ACSL1: variants seen among roughly 807,000 people sequenced by gnomAD.
ACSL1 encodes the protein acyl-CoA synthetase long chain family member 1.
Under a neutral mutation model 98.4 loss-of-function variants are expected in ACSL1, and 41 were observed. The observed-to-expected ratio is 0.42, with a 90% CI of 0.32 to 0.54. ACSL1 has a LOEUF of 0.54. Ranked by LOEUF, ACSL1 falls within the 20% of genes least tolerant of loss-of-function variation. The pLI is 0.13. For synonymous variants in ACSL1, 316 were observed against 322.7 expected (o/e 0.98, Z 0.22); for missense variants, 734 against 883.1 (o/e 0.83, Z 2.14).
Position 184,776,550 on chromosome 4 carries a change from G to A in ACSL1, c.690C>T (p.Tyr230=), listed in dbSNP as rs1302851970. 2.1e-5 allele frequency: 34 copies of A among 1,614,030 alleles called. No individual in the cohort carries two copies. The highest frequency in any genetic ancestry group is 5.3e-5 in the African/African-American group (4 of 74,920). The change falls in exon 7 of 21, where the codon TAC becomes TAT. Residue 230 remains tyrosine (Y), a synonymous_variant. Transcript: ENST00000281455. ...GGCCTCGTTCCACCAGTTCACTGCC[G>A]TAGGCATCCATGACAACTATGATTT... ...GLKIIVVMDA[Y]GSELVERGQR... is the part of the protein sequence containing the mutation.
rs765322754 is a variant in ACSL1, at chr4:184,763,268, T to C, written c.1433-13A>G. 6.3e-5 allele frequency: 102 copies of C among 1,611,906 alleles called. No individual in the cohort carries two copies. The African/African-American group carries it at 1.0e-3, about 16-fold the overall frequency. ...GCCCCAACATGGCCTGTATATTAAA[T>C]AAGCAAATGGTCATTCCTAAGGGAA... On this transcript the variant is annotated splice_polypyrimidine_tract_variant and intron_variant, in intron 15 of 20. Transcript: ENST00000281455.
chr4:184,809,609 G>T (rs942004374), intron 1 of ACSL1, among the ~76,000 whole-genome samples: 2 of 151,814 alleles, frequency 1.3e-5, no homozygotes, highest in African/African-American at 4.9e-5. Flanking sequence ...TGGCTAACAC[G>T]GTGAAACTCC....
chr4:184,793,878 C>G (rs1235469491), intron 2 of ACSL1, among the ~76,000 whole-genome samples: 1 of 152,170 alleles, frequency 6.6e-6, no homozygotes, highest in African/African-American at 2.4e-5. Context: ...CTTCAGGATA[C>G]CCAAATCCAG....
At position 184,797,593 on chromosome 4, in the gene ACSL1, T is replaced by C. The variant is rs978128334; in HGVS notation, c.195+5727A>G. Among the ~76,000 whole-genome samples the C allele has an allele frequency of 8.5e-5, 13 of 152,334 alleles. 1 individual carries two copies. Among genetic ancestry groups the C allele is most frequent in the Non-Finnish European group, 1.9e-4 (13 of 68,024 alleles). On this transcript the variant is annotated intron_variant, in intron 2 of 20. Coordinates refer to ENST00000281455, the MANE Select transcript of ACSL1 (RefSeq NM_001995.5). ...TTTGAGTTGTAAACCATGCTGTTGA[T>C]TGAGCGTGGCTCCCACAGCCTGGAT...
At chr4:184,788,756 G>T (rs1281471931) in intron 2 of ACSL1, 25 bp from the exon 3 acceptor site, 1 of 1,591,294 alleles carries the variant, frequency 6.3e-7, no homozygotes, top group South Asian at 1.1e-5. Flanking sequence ...AGGGGGGCAG[G>T]TTAGAAGGCA....
intron 2 of ACSL1, among the ~76,000 whole-genome samples, chr4:184,796,489 TA>T (rs1346928856): frequency 6.6e-6 from 1 of 152,214 alleles, no homozygotes; most frequent in East Asian, 1.9e-4. Context: ...GCAAAGTTGC[TA>T]GGGGTAGAAT....
intron 4 of ACSL1, among the ~76,000 whole-genome samples, chr4:184,782,342 A>G (rs1392470812): frequency 1.3e-5 from 2 of 152,144 alleles, no homozygotes; most frequent in Non-Finnish European, 2.9e-5. Flanking sequence ...AAAAAAAAAA[A>G]AGATTTGAAT....
chr4:184,778,873 G>T lies in ACSL1; in HGVS notation c.477+1459C>A, dbSNP rs75727094. Among the ~76,000 whole-genome samples the T allele has an allele frequency of 1.6e-4, 24 of 152,144 alleles. No homozygotes were observed. In the East Asian group the frequency reaches 4.6e-3, roughly 29 times the overall value. ...ACTAAATTCTACAAGCCCAGTCACA[G>T]TCCAGCTGTGGAGAATGCTGTTTTC... On this transcript the variant is annotated intron_variant, in intron 5 of 20. Coordinates refer to ENST00000281455, the MANE Select transcript of ACSL1 (RefSeq NM_001995.5).
Position 184,804,348 on chromosome 4 carries a change from G to A in ACSL1, c.-32-802C>T, listed in dbSNP as rs368641304. On this transcript the variant is annotated intron_variant, in intron 1 of 20. Coordinates refer to ENST00000281455, the MANE Select transcript of ACSL1 (RefSeq NM_001995.5). Reference sequence around the variant, plus strand: ...TAATCCCAGCACTTTGGGAAGCCGAGGCGGGTGGATCACCTGAGGTCAAGA... The same window carrying A: ...TAATCCCAGCACTTTGGGAAGCCGAAGCGGGTGGATCACCTGAGGTCAAGA... Among the ~76,000 whole-genome samples the A allele has an allele frequency of 1.8e-3, 281 of 152,324 alleles. 2 individuals are homozygous for A. The highest frequency in any genetic ancestry group is 6.5e-3 in the African/African-American group (271 of 41,580).
At chr4:184,801,062 C>T (rs1278614884) in intron 2 of ACSL1, among the ~76,000 whole-genome samples, 1 of 152,152 alleles carries the variant, frequency 6.6e-6, no homozygotes, top group Admixed American at 6.5e-5. Context: ...TGCTATGTTG[C>T]CCATGCTGGT....
At position 184,757,986 on chromosome 4, in the gene ACSL1, T is replaced by A; in HGVS notation, c.1783-66A>T. The A allele has an allele frequency of 6.7e-7, 1 of 1,482,642 alleles. No homozygotes were observed. Among genetic ancestry groups the A allele is most frequent in the South Asian group, 1.1e-5 (1 of 88,050 alleles). The allele number at this position is 1,482,642 out of a possible 1,614,324, so 91.8% of individuals were successfully genotyped here. On this transcript the variant is annotated intron_variant, in intron 18 of 20. Transcript: ENST00000281455. The surrounding 1 kb of genome is among the most constrained non-coding windows in gnomAD (Gnocchi z 4.5). The stretch of plus-strand genomic sequence containing the variant: ...AATGCTCTAAAATAGTGGTTCTTTA[T>A]TTTTCCATCTTGTGGCCCCCTGGGA...
intron 2 of ACSL1, chr4:184,798,167 A>C (rs190775466): frequency 5.3e-5 from 8 of 152,358 alleles, no homozygotes; most frequent in Non-Finnish European, 1.0e-4. Flanking sequence ...GCTGGAACCA[A>C]GGTCTGATAA....
At chr4:184,764,967 T>C in intron 14 of ACSL1, 42 bp from the exon 15 acceptor site, 1 of 1,586,866 alleles carries the variant, frequency 6.3e-7, no homozygotes, top group South Asian at 1.1e-5. Flanking sequence ...GAGAGCACAA[T>C]CACACCTTTA....
intron 2 of ACSL1, among the ~76,000 whole-genome samples, chr4:184,789,046 A>G (rs1462618552): frequency 3.3e-5 from 5 of 152,218 alleles, no homozygotes; most frequent in African/African-American, 7.2e-5. Flanking sequence ...AAAATTAAAT[A>G]TAAAGTCTAA....
In ACSL1 at chr4:184,773,002, G is replaced by A; in HGVS notation, c.915+79C>T. 6 of 1,389,262 alleles carry A rather than the reference G, an allele frequency of 4.3e-6. No individual in the cohort carries two copies. The highest frequency in any genetic ancestry group is 6.1e-6 in the Non-Finnish European group (6 of 984,494). The allele number at this position is 1,389,262 out of a possible 1,614,324, so 86.1% of individuals were successfully genotyped here. On this transcript the variant is annotated intron_variant, in intron 10 of 20. Coordinates refer to ENST00000281455, the MANE Select transcript of ACSL1 (RefSeq NM_001995.5). This position sits in a 1 kb window ranked among gnomAD's most constrained non-coding sequence, Gnocchi z 4.3. ...AAATGCCACATGGACCTAACACACT[G>A]GTGCCCACCTTCAGCACTTTCATTC... is the stretch of plus-strand genomic sequence containing the variant.
intron 14 of ACSL1, among the ~76,000 whole-genome samples, chr4:184,765,690 G>A (rs1763488680): frequency 6.6e-6 from 1 of 152,156 alleles, no homozygotes; most frequent in African/African-American, 2.4e-5. Flanking sequence ...TAAGACACAT[G>A]TTAATTAGCT....
At chr4:184,801,286 G>T (rs1190142735) in intron 2 of ACSL1, among the ~76,000 whole-genome samples, 1 of 152,214 alleles carries the variant, frequency 6.6e-6, no homozygotes, top group African/African-American at 2.4e-5. Context: ...AAACCAAAAA[G>T]TGCGGATTCT....
At chr4:184,810,010 G>A (rs1163847420) in intron 1 of ACSL1, among the ~76,000 whole-genome samples, 1 of 152,084 alleles carries the variant, frequency 6.6e-6, no homozygotes, top group African/African-American at 2.4e-5. Context: ...TGCTACTAGT[G>A]AAAAAATTCT....
intron 17 of ACSL1, 114 bp from the exon 18 acceptor site, chr4:184,760,614 A>G: frequency 7.1e-7 from 1 of 1,406,660 alleles, no homozygotes; most frequent in Non-Finnish European, 9.8e-7. Context: ...TAATTCTAAT[A>G]ACATCCCACA....
Sources: allele counts gnomAD v4.1 joint callset (sites outside exome capture counted in the v4.1 genomes callset), GRCh38; gene constraint gnomAD v4.1.1; non-coding constraint Gnocchi (gnomAD v3.1); transcripts MANE v1.5; gene names NCBI Gene and HGNC (gene_info 2026-07-23, HGNC 2026-07-21).